The following KAZN variants were observed in gnomAD, a reference collection of about 807,000 sequenced individuals.
The protein encoded by KAZN is kazrin, periplakin interacting protein, also known as kazrin.
Under a neutral mutation model 87.4 loss-of-function variants are expected in KAZN, and 40 were observed. The ratio of observed to expected loss-of-function variants is 0.46; its 90% confidence interval spans 0.36 to 0.60. The LOEUF (loss-of-function observed/expected upper bound fraction) is 0.60, where lower values mean the gene tolerates loss of function less well. KAZN is among the 20% of genes least tolerant of loss of function. The probability of loss-of-function intolerance (pLI) is 0.00; values close to 1 mark genes in which losing one functional copy is unlikely to be tolerated. For missense variants in KAZN, 898 were observed against 1,073.9 expected, an observed-to-expected ratio of 0.84 and a Z score of 2.29; for synonymous variants, 466 against 458.3, an observed-to-expected ratio of 1.02 and a Z score of -0.22.
chr1:13,955,051 A>C (rs1641492360), intron 1 of KAZN, among the ~76,000 whole-genome samples: 1 of 152,228 alleles, frequency 6.6e-6, no homozygotes, highest in Non-Finnish European at 1.5e-5. Context: ...GTATGTAAAA[A>C]TGTTGAAAGG....
chr1:14,482,911 G>C (rs1483816924), intron 2 of KAZN, among the ~76,000 whole-genome samples: 2 of 152,208 alleles, frequency 1.3e-5, no homozygotes, highest in Admixed American at 1.3e-4. Flanking sequence ...AGCTGGGCAA[G>C]TATCCTTAGG....
intron 2 of KAZN, among the ~76,000 whole-genome samples, chr1:14,412,018 C>T (rs961661752): frequency 3.3e-5 from 5 of 152,182 alleles, no homozygotes; most frequent in African/African-American, 1.2e-4. Flanking sequence ...CTGTATTCGG[C>T]ATTCTCCCGT....
intron 1 of KAZN, among the ~76,000 whole-genome samples, chr1:13,901,905 T>G (rs1639265258): frequency 6.6e-6 from 1 of 152,250 alleles, no homozygotes; most frequent in African/African-American, 2.4e-5. Flanking sequence ...GCTACTGATG[T>G]TTGCTCCCTT....
intron 2 of KAZN, among the ~76,000 whole-genome samples, chr1:14,327,441 A>AT (rs1319841163): frequency 6.6e-6 from 1 of 152,076 alleles, no homozygotes; most frequent in East Asian, 1.9e-4. Context: ...GCTATGGCGA[A>AT]TTCCCTCTCA....
At chr1:14,228,541 A>G (rs1244913284) in intron 2 of KAZN, among the ~76,000 whole-genome samples, 2 of 152,218 alleles carry the variant, frequency 1.3e-5, no homozygotes, top group African/African-American at 4.8e-5. Context: ...GCAGGTGGGC[A>G]CAATGATTAG....
rs187332309 is a variant in KAZN, at chr1:14,694,457, A to G, written c.226+95234A>G. On this transcript the variant is annotated intron_variant, in intron 1 of 14. Coordinates refer to ENST00000376030, the MANE Select transcript of KAZN (RefSeq NM_201628.3). The stretch of plus-strand genomic sequence containing the variant: ...TTCAGCTGTCTGTGTTGATCTCCTC[A>G]ACTGAAACATTCATTCATTCATTTA... 7.9e-5 allele frequency among the ~76,000 whole-genome samples: 12 copies of G among 152,160 alleles called. No homozygotes were observed. The East Asian group carries it at 2.1e-3, about 27-fold the overall frequency.
chr1:14,007,813 C>G (rs1311792693), intron 1 of KAZN, among the ~76,000 whole-genome samples: 1 of 152,106 alleles, frequency 6.6e-6, no homozygotes, highest in East Asian at 1.9e-4. Context: ...TTAACAGACG[C>G]TGTCCGATAA....
chr1:14,261,564 C>CGACA (rs575948340), intron 2 of KAZN, among the ~76,000 whole-genome samples: 5 of 152,088 alleles, frequency 3.3e-5, no homozygotes, highest in African/African-American at 1.2e-4. Context: ...CATTCTCCAC[C>CGACA]GACGAGGCAC....
At chr1:14,304,325 A>G (rs1341834121) in intron 2 of KAZN, among the ~76,000 whole-genome samples, 1 of 152,218 alleles carries the variant, frequency 6.6e-6, no homozygotes, top group Non-Finnish European at 1.5e-5. Flanking sequence ...CTTAAAGGGA[A>G]GGGTTTTAAG....
chr1:13,899,829 A>G lies in KAZN; in HGVS notation c.91+6073A>G, dbSNP rs1639181056. On this transcript the variant is annotated intron_variant, in intron 1 of 16. Transcript: ENST00000636203. The stretch of plus-strand genomic sequence containing the variant: ...CAGCTAATTTTTGTATTTTTAGTAG[A>G]GATGGGGTTTCACCATGTTGGTCAG... 2.0e-5 allele frequency among the ~76,000 whole-genome samples: 3 copies of G among 151,974 alleles called. No individual in the cohort carries two copies. In the South Asian group the frequency reaches 6.2e-4, roughly 32 times the overall value.
intron 1 of KAZN, among the ~76,000 whole-genome samples, chr1:14,930,741 C>T (rs1454297004): frequency 1.3e-5 from 2 of 152,222 alleles, no homozygotes; most frequent in Non-Finnish European, 2.9e-5. Context: ...GCTGACGATT[C>T]CCCGGGCTAC....
Position 15,115,750 on chromosome 1 carries a change from TCTCTGTGC to T in KAZN, c.*1119_*1126del, listed in dbSNP as rs1331402460. The T allele has an allele frequency of 1.3e-5, 2 of 152,210 alleles. No homozygotes were observed. Among genetic ancestry groups the T allele is most frequent in the African/African-American group, 4.8e-5 (2 of 41,442 alleles). The allele number at this position is 152,210 out of a possible 1,614,324, so 9.4% of individuals were successfully genotyped here. On this transcript the variant is annotated 3_prime_UTR_variant, in exon 15 of 15. Coordinates refer to ENST00000376030, the MANE Select transcript of KAZN (RefSeq NM_201628.3). The surrounding 1 kb of genome is among the most constrained non-coding windows in gnomAD (Gnocchi z 4.1). ...GTGGCTTCTTCCCAGTGGCCTCACCTCTCTGTGCCTCGATGTCTTCATCTACGATACTT... is the reference window on the plus strand; with the variant it reads ...GTGGCTTCTTCCCAGTGGCCTCACCTCTCGATGTCTTCATCTACGATACTT...
Position 15,056,714 on chromosome 1 carries a change from AG to A in KAZN, c.916+438del, listed in dbSNP as rs1318189430. Among the ~76,000 whole-genome samples, 1 of 152,176 alleles carries A rather than the reference AG, an allele frequency of 6.6e-6. No individual in the cohort carries two copies. Among genetic ancestry groups the A allele is most frequent in the African/African-American group, 2.4e-5 (1 of 41,430 alleles). ...CAGAGTCACATGGGCATCCTTTGGC[AG>A]GGGAGGCAGCAGAACTCCTTGATTG... On this transcript the variant is annotated intron_variant, in intron 5 of 14. Transcript: ENST00000376030. The surrounding 1 kb of genome is among the most constrained non-coding windows in gnomAD (Gnocchi z 5.4).
At chr1:15,039,464 G>A (rs1429871152) in intron 3 of KAZN, among the ~76,000 whole-genome samples, 3 of 152,124 alleles carry the variant, frequency 2.0e-5, no homozygotes, top group East Asian at 1.9e-4. Context: ...ACCCAAGGCC[G>A]ACCACAGAGA....
At chr1:14,521,325 C>G (rs1332403233) in intron 2 of KAZN, among the ~76,000 whole-genome samples, 3 of 152,216 alleles carry the variant, frequency 2.0e-5, no homozygotes, top group African/African-American at 7.2e-5. Context: ...GTCGCCCTCA[C>G]TGCATTTATG....
chr1:14,863,879 T>G (rs1336249376), intron 1 of KAZN, among the ~76,000 whole-genome samples: 1 of 152,132 alleles, frequency 6.6e-6, no homozygotes, highest in Non-Finnish European at 1.5e-5. Flanking sequence ...CCAGAGTGCA[T>G]GCAGTGTGTT....
chr1:14,173,994 T>A (rs1169405518), intron 1 of KAZN, among the ~76,000 whole-genome samples: 1 of 152,232 alleles, frequency 6.6e-6, no homozygotes, highest in Non-Finnish European at 1.5e-5. Flanking sequence ...TGACCAGCAT[T>A]GAATATTTGG....
At chr1:13,940,673 G>A (rs1640896284) in intron 1 of KAZN, among the ~76,000 whole-genome samples, 1 of 152,116 alleles carries the variant, frequency 6.6e-6, no homozygotes, top group Non-Finnish European at 1.5e-5. Context: ...CACAACAGAA[G>A]AGATTAGTGA....
chr1:15,095,916 C>T (rs927151391), intron 10 of KAZN, among the ~76,000 whole-genome samples: 1 of 152,100 alleles, frequency 6.6e-6, no homozygotes, highest in Non-Finnish European at 1.5e-5. Context: ...GGATCAGAAA[C>T]TTAGGGAGCG....
Sources: allele counts gnomAD v4.1 joint callset (sites outside exome capture counted in the v4.1 genomes callset), GRCh38; gene constraint gnomAD v4.1.1; non-coding constraint Gnocchi (gnomAD v3.1); transcripts MANE v1.5; gene names NCBI Gene and HGNC (gene_info 2026-07-23, HGNC 2026-07-21).